The following USP6NL variants were observed in gnomAD, a reference collection of about 807,000 sequenced individuals.
USP6NL encodes the protein USP6 N-terminal like, also known as USP6 N-terminal-like protein.
In USP6NL, 26 loss-of-function variants were observed where a neutral mutation model predicts 61.9. That is an observed-to-expected ratio of 0.42 (90% CI 0.31 to 0.58). The LOEUF (loss-of-function observed/expected upper bound fraction) is 0.58. USP6NL is among the 20% of genes least tolerant of loss of function. The pLI is 0.16. For missense variants in USP6NL, 1,114 were observed against 1,034.3 expected (o/e 1.08, Z -1.06); for synonymous variants, 432 against 390.1 (o/e 1.11, Z -1.27).
At position 11,575,164 on chromosome 10, in the gene USP6NL, G is replaced by C. The variant is rs12357476; in HGVS notation, c.4+22467C>G. ...AAAGTAAGAGTTCAGATGGGTCAAA[G>C]ACTAAGTTTTAAACCTCAAGTCAAA... On this transcript the variant is annotated intron_variant, in intron 2 of 14. Transcript: ENST00000609104. The surrounding 1 kb of genome is among the most constrained non-coding windows in gnomAD (Gnocchi z 4.2). 6.6e-6 allele frequency among the ~76,000 whole-genome samples: 1 copy of C among 152,128 alleles called. No individual in the cohort carries two copies. Among genetic ancestry groups the C allele is most frequent in the Non-Finnish European group, 1.5e-5 (1 of 68,012 alleles).
rs545534490 is a variant in USP6NL at position 11,602,638 on chromosome 10, G to A, written c.-83-4921C>T. ...GGGCAGACTCCCAGGTGCTGGTTGA[G>A]TATGCCAAATCTAAACTTTCTGAAA... On this transcript the variant is annotated intron_variant, in intron 1 of 14. Transcript: ENST00000609104. This position sits in a 1 kb window ranked among gnomAD's most constrained non-coding sequence, Gnocchi z 4.8. 2.3e-3 allele frequency among the ~76,000 whole-genome samples: 349 copies of A among 152,270 alleles called. 1 individual carries two copies. The highest frequency in any genetic ancestry group is 3.8e-3 in the Non-Finnish European group (256 of 68,022).
At chr10:11,472,658 T>A (rs1832806951) in intron 14 of USP6NL, among the ~76,000 whole-genome samples, 1 of 152,170 alleles carries the variant, frequency 6.6e-6, no homozygotes, top group African/African-American at 2.4e-5. Flanking sequence ...ATCTGAAAAA[T>A]CAAATGACTT....
chr10:11,591,748 T>C lies in USP6NL; in HGVS notation c.4+5883A>G, dbSNP rs1182093958. Among the ~76,000 whole-genome samples the C allele has an allele frequency of 3.3e-5, 5 of 152,154 alleles. No homozygotes were observed. The highest frequency in any genetic ancestry group is 6.5e-5 in the Admixed American group (1 of 15,280). On this transcript the variant is annotated intron_variant, in intron 2 of 14. Transcript: ENST00000609104. The surrounding 1 kb of genome is among the most constrained non-coding windows in gnomAD (Gnocchi z 4.7). ...TTTTACAACTTTTCTTGTTGTAAGT[T>C]TGAAAAAATATCAAAAGAAAATATA...
chr10:11,565,095 T>C (rs1000802287), intron 2 of USP6NL: 21 of 152,340 alleles, frequency 1.4e-4, no homozygotes, highest in East Asian at 7.7e-4. Flanking sequence ...GTGAAGTTAA[T>C]AGCCCGTTTA....
chr10:11,507,603 T>C (rs1184016317), intron 6 of USP6NL, among the ~76,000 whole-genome samples: 2 of 152,248 alleles, frequency 1.3e-5, no homozygotes, highest in African/African-American at 4.8e-5. Flanking sequence ...GTCGGTTTCA[T>C]GTGATTTAAG....
intron 2 of USP6NL, among the ~76,000 whole-genome samples, chr10:11,573,024 G>A (rs1003044823): frequency 4.0e-5 from 6 of 148,816 alleles, no homozygotes; most frequent in South Asian, 2.1e-4. Flanking sequence ...CTAGACACAC[G>A]CTATGAATAT....
chr10:11,526,592 A>G (rs1338976653), intron 3 of USP6NL, among the ~76,000 whole-genome samples: 1 of 152,236 alleles, frequency 6.6e-6, no homozygotes, highest in Non-Finnish European at 1.5e-5. Context: ...CTCTGGGAAC[A>G]TAACTGCTAA....
chr10:11,509,304 G>T (rs1407778348), intron 6 of USP6NL, among the ~76,000 whole-genome samples: 1 of 152,142 alleles, frequency 6.6e-6, no homozygotes, highest in African/African-American at 2.4e-5. Flanking sequence ...AGAAGAGATG[G>T]AAGAAACTAT....
intron 1 of USP6NL, among the ~76,000 whole-genome samples, chr10:11,601,119 A>T (rs1838512599): frequency 6.6e-6 from 1 of 152,174 alleles, no homozygotes; most frequent in African/African-American, 2.4e-5. Context: ...CCATCAACAA[A>T]AGGGTAAGTA....
At chr10:11,464,552 T>G (rs1049564793) in intron 14 of USP6NL, among the ~76,000 whole-genome samples, 3 of 152,200 alleles carry the variant, frequency 2.0e-5, no homozygotes, top group African/African-American at 7.2e-5. Flanking sequence ...CCAGAGCCTT[T>G]GATCCTCCTC....
intron 2 of USP6NL, among the ~76,000 whole-genome samples, chr10:11,556,534 TAAAC>T (rs1440184749): frequency 6.6e-6 from 1 of 151,962 alleles, no homozygotes; most frequent in Non-Finnish European, 1.5e-5. Context: ...AGAGAGATCA[TAAAC>T]AAACAAGCAC....
In USP6NL at chr10:11,562,457, G is replaced by C. The variant is rs533519598; in HGVS notation, c.5-34890C>G. 1 of 985,194 alleles carries C rather than the reference G, an allele frequency of 1.0e-6. No individual in the cohort carries two copies. Among genetic ancestry groups the C allele is most frequent in the African/African-American group, 1.7e-5 (1 of 57,180 alleles). 61.0% of individuals were successfully genotyped at this position (985,194 alleles called of 1,614,324 possible). The stretch of plus-strand genomic sequence containing the variant: ...AGGATGAAGACGCAGCAGTCATCAC[G>C]TATCTCTGAGGACAAGGATTAAGTG... On this transcript the variant is annotated intron_variant, in intron 2 of 14. Transcript: ENST00000609104. This position sits in a 1 kb window ranked among gnomAD's most constrained non-coding sequence, Gnocchi z 4.8.
chr10:11,602,730 T>C lies in USP6NL; in HGVS notation c.-83-5013A>G, dbSNP rs1205765511. On this transcript the variant is annotated intron_variant, in intron 1 of 14. Coordinates refer to ENST00000609104, the MANE Select transcript of USP6NL (RefSeq NM_014688.5). This position sits in a 1 kb window ranked among gnomAD's most constrained non-coding sequence, Gnocchi z 4.8. ...GCTCATTAGGGCACTTTGGATTTCA[T>C]TTTTGGGATGCTCAACTGGTATAAT... is the stretch of plus-strand genomic sequence containing the variant. Among the ~76,000 whole-genome samples the C allele has an allele frequency of 6.6e-6, 1 of 152,198 alleles. No homozygotes were observed. The highest frequency in any genetic ancestry group is 2.4e-5 in the African/African-American group (1 of 41,450).
intron 6 of USP6NL, among the ~76,000 whole-genome samples, chr10:11,502,016 T>C (rs1214133686): frequency 6.6e-6 from 1 of 152,168 alleles, no homozygotes; most frequent in Non-Finnish European, 1.5e-5. Flanking sequence ...CCCAGCACTT[T>C]GGGAGGCCGA....
intron 1 of USP6NL, among the ~76,000 whole-genome samples, chr10:11,608,593 G>C (rs980943338): frequency 2.6e-5 from 4 of 152,118 alleles, no homozygotes; most frequent in African/African-American, 7.2e-5. Flanking sequence ...TTCCACAGGG[G>C]ACTTGCCCTG....
intron 2 of USP6NL, among the ~76,000 whole-genome samples, chr10:11,568,276 A>T (rs1837239009): frequency 6.6e-6 from 1 of 152,190 alleles, no homozygotes; most frequent in Admixed American, 6.5e-5. Flanking sequence ...TGGCTTCAAG[A>T]AACTAATTAG....
At chr10:11,464,598 T>C (rs896786289) in intron 14 of USP6NL, among the ~76,000 whole-genome samples, 4 of 152,118 alleles carry the variant, frequency 2.6e-5, no homozygotes, top group African/African-American at 9.7e-5. Context: ...TGAGAAGAAG[T>C]TGCTTCCTGG....
At chr10:11,573,539 T>C in intron 2 of USP6NL, 1 of 398,496 alleles carries the variant, frequency 2.5e-6, no homozygotes, top group Non-Finnish European at 4.4e-6. Flanking sequence ...TAGCACATCC[T>C]TGGGTCCATA....
intron 2 of USP6NL, among the ~76,000 whole-genome samples, chr10:11,533,357 CCTT>C (rs1189499885): frequency 1.3e-5 from 2 of 152,210 alleles, no homozygotes; most frequent in Admixed American, 6.5e-5. Flanking sequence ...TGAAGACTGA[CCTT>C]CTGCCCTGCC....
Sources: allele counts gnomAD v4.1 joint callset (sites outside exome capture counted in the v4.1 genomes callset), GRCh38; gene constraint gnomAD v4.1.1; non-coding constraint Gnocchi (gnomAD v3.1); transcripts MANE v1.5; gene names NCBI Gene and HGNC (gene_info 2026-07-23, HGNC 2026-07-21).